Variants in UGT1A10 observed in about 807,000 individuals in gnomAD.
UGT1A10 encodes UDP glucuronosyltransferase family 1 member A10, also known as UDP-glucuronosyltransferase 1A10.
UGT1A10 carries 49 observed loss-of-function variants against 45.8 expected under a neutral mutation model. The observed-to-expected ratio is 1.07, with a 90% CI of 0.85 to 1.36. UGT1A10 has a LOEUF of 1.36. Ranked by LOEUF, UGT1A10 falls within the 40% of genes most tolerant of loss-of-function variation. The pLI, the probability that UGT1A10 is intolerant of heterozygous loss-of-function variation, is 0.00. For synonymous variants in UGT1A10, 284 were observed against 249.7 expected, an observed-to-expected ratio of 1.14 and a Z score of -1.29; for missense variants, 745 against 668.6, an observed-to-expected ratio of 1.11 and a Z score of -1.26.
rs369685158 is a variant in UGT1A10, at chr2:233,713,685, GC to G, written c.856-53348del. On this transcript the variant is annotated intron_variant, in intron 1 of 4. Transcript: ENST00000344644. ...TTGCCATGCTGTTTCTGCTCCTTAT[GC>G]AAGCCTTGCCTCTGAGCTTTTTCAG... is the stretch of plus-strand genomic sequence containing the variant. The G allele has an allele frequency of 8.8e-4, 1,413 of 1,613,920 alleles. 18 individuals are homozygous for G. The South Asian group carries it at 0.011, about 13-fold the overall frequency.
At chr2:233,702,042 A>C (rs1306276715) in intron 1 of UGT1A10, among the ~76,000 whole-genome samples, 1 of 152,222 alleles carries the variant, frequency 6.6e-6, no homozygotes, top group Non-Finnish European at 1.5e-5. Flanking sequence ...CCCTTCAAAA[A>C]ATTAACAATT....
chr2:233,725,184 GCA>G lies in UGT1A10; in HGVS notation c.856-41849_856-41848del, dbSNP rs1575560324. ...CATGAGAGGGAGACCGTGGGGAGAG[GCA>G]GAGGCAGAGGCAGAGGCAGAGGCAG... On this transcript the variant is annotated intron_variant, in intron 1 of 4. Transcript: ENST00000344644. Among the ~76,000 whole-genome samples, 4 of 89,466 alleles carry G rather than the reference GCA, an allele frequency of 4.5e-5. 2 individuals are homozygous for G. The highest frequency in any genetic ancestry group is 1.9e-4 in the Admixed American group (2 of 10,264). 58.7% of individuals were successfully genotyped at this position (89,466 alleles called of 152,430 possible).
At chr2:233,729,259 C>A (rs45625338) in intron 1 of UGT1A10, 1 of 1,613,960 alleles carries the variant, frequency 6.2e-7, no homozygotes, top group Admixed American at 1.7e-5. Context: ...GCTCAGCATG[C>A]GGGAGGTCTT....
intron 4 of UGT1A10, among the ~76,000 whole-genome samples, chr2:233,768,754 T>C (rs899936789): frequency 6.6e-6 from 1 of 151,960 alleles, no homozygotes; most frequent in Non-Finnish European, 1.5e-5. Context: ...GGTTAATTTT[T>C]GTATTTTTTA....
intron 1 of UGT1A10, among the ~76,000 whole-genome samples, chr2:233,680,922 C>T (rs1164183970): frequency 2.0e-5 from 3 of 151,956 alleles, no homozygotes; most frequent in African/African-American, 7.2e-5. Context: ...TGAGGAAAGC[C>T]ATTTAAAATA....
At chr2:233,659,515 G>A (rs1333298993) in intron 1 of UGT1A10, among the ~76,000 whole-genome samples, 1 of 152,102 alleles carries the variant, frequency 6.6e-6, no homozygotes, top group Non-Finnish European at 1.5e-5. Context: ...AAGTGGGAGT[G>A]GATCATCATA....
intron 1 of UGT1A10, among the ~76,000 whole-genome samples, chr2:233,695,635 A>T (rs1383639619): frequency 2.6e-5 from 4 of 151,066 alleles, no homozygotes; most frequent in Non-Finnish European, 2.9e-5. Context: ...CATGAGACCC[A>T]CTTTTTTAGC....
chr2:233,689,916 G>C, intron 1 of UGT1A10: 1 of 456,658 alleles, frequency 2.2e-6, no homozygotes, highest in South Asian at 1.5e-5. Context: ...TAGGTGCCTG[G>C]AATTTCCTTC....
At chr2:233,744,074 G>C in intron 1 of UGT1A10, 1 of 470,704 alleles carries the variant, frequency 2.1e-6, no homozygotes, top group Non-Finnish European at 3.5e-6. Context: ...TGAGCGCCTC[G>C]CATCCCAAGA....
At chr2:233,759,114 A>T (rs1268154790) in intron 1 of UGT1A10, among the ~76,000 whole-genome samples, 1 of 152,228 alleles carries the variant, frequency 6.6e-6, no homozygotes, top group Non-Finnish European at 1.5e-5. Context: ...CAAACCAGGG[A>T]GTTACAGCCT....
At chr2:233,729,485 T>C in intron 1 of UGT1A10, 1 of 1,614,232 alleles carries the variant, frequency 6.2e-7, no homozygotes, top group Non-Finnish European at 8.5e-7. Context: ...TTGAACAATA[T>C]GTCTTTGGTC....
intron 1 of UGT1A10, among the ~76,000 whole-genome samples, chr2:233,645,321 G>C (rs1182823740): frequency 6.6e-6 from 1 of 152,094 alleles, no homozygotes; most frequent in Non-Finnish European, 1.5e-5. Flanking sequence ...TTTAGGTGGG[G>C]ACACAGCCAA....
intron 3 of UGT1A10, 94 bp from the exon 4 acceptor site, chr2:233,768,126 C>T: frequency 6.2e-7 from 1 of 1,604,728 alleles, no homozygotes; most frequent in Non-Finnish European, 8.5e-7. Flanking sequence ...ATGTGAGTAA[C>T]ACTGAGTCTT....
At chr2:233,764,935 G>T (rs1212843122) in intron 1 of UGT1A10, among the ~76,000 whole-genome samples, 1 of 152,204 alleles carries the variant, frequency 6.6e-6, no homozygotes, top group Non-Finnish European at 1.5e-5. Context: ...GGGCTGGTGA[G>T]AGTGGCGGGG....
At chr2:233,694,598 C>T (rs2075228773) in intron 1 of UGT1A10, among the ~76,000 whole-genome samples, 1 of 152,300 alleles carries the variant, frequency 6.6e-6, no homozygotes. Flanking sequence ...CTTTGAAGGG[C>T]TTCAGGCAAC....
chr2:233,743,388 G>A (rs1692276435), intron 1 of UGT1A10: 2 of 1,234,066 alleles, frequency 1.6e-6, no homozygotes, highest in Non-Finnish European at 2.2e-6. Flanking sequence ...CGTAGGACAT[G>A]CAGAAGGAAG....
chr2:233,704,550 A>C (rs6722836), intron 1 of UGT1A10, among the ~76,000 whole-genome samples: 2,672 of 152,284 alleles, frequency 0.018, 40 homozygotes, highest in South Asian at 0.042. Context: ...TGATAATATT[A>C]CTTTATATAA....
chr2:233,713,633 G>A (rs1299341019), intron 1 of UGT1A10: 5 of 1,613,960 alleles, frequency 3.1e-6, no homozygotes, highest in Non-Finnish European at 2.5e-6. Context: ...TCAAGAACAT[G>A]CTCTACCCTC....
intron 1 of UGT1A10, chr2:233,692,765 G>T: frequency 8.0e-7 from 1 of 1,253,638 alleles, no homozygotes; most frequent in African/African-American, 1.5e-5. Context: ...GAGCTGAAGA[G>T]AAACACCCAG....
Sources: allele counts gnomAD v4.1 joint callset (sites outside exome capture counted in the v4.1 genomes callset), GRCh38; gene constraint gnomAD v4.1.1; transcripts MANE v1.5; gene names NCBI Gene and HGNC (gene_info 2026-07-23, HGNC 2026-07-21).